The following CBLB variants were observed in gnomAD, a reference collection of about 807,000 sequenced individuals.
The protein encoded by CBLB is E3 ubiquitin-protein ligase CBL-B.
A neutral mutation model predicts 104.9 loss-of-function variants in CBLB; 31 were observed. That is an observed-to-expected ratio of 0.30 (90% CI 0.22 to 0.40). The LOEUF is 0.40. CBLB is among the 10% of genes least tolerant of loss of function. The probability of loss-of-function intolerance (pLI) is 1.00; values close to 1 mark genes in which losing one functional copy is unlikely to be tolerated. For synonymous variants in CBLB, 440 were observed against 422.6 expected (o/e 1.04, Z -0.51); for missense variants, 1,062 against 1,214.6 (o/e 0.87, Z 1.87).
intron 10 of CBLB, among the ~76,000 whole-genome samples, chr3:105,709,066 A>G (rs1275229594): frequency 6.6e-6 from 1 of 151,986 alleles, no homozygotes; most frequent in Admixed American, 6.6e-5. Flanking sequence ...CTCTTAATGC[A>G]ATAGTAACAA....
At chr3:105,812,425 A>G (rs894554826) in intron 3 of CBLB, among the ~76,000 whole-genome samples, 1 of 152,206 alleles carries the variant, frequency 6.6e-6, no homozygotes, top group Non-Finnish European at 1.5e-5. Flanking sequence ...CACAAAAGTA[A>G]CACCACAACT....
intron 5 of CBLB, among the ~76,000 whole-genome samples, chr3:105,750,233 G>A (rs773077543): frequency 1.3e-5 from 2 of 151,906 alleles, no homozygotes; most frequent in Non-Finnish European, 2.9e-5. Flanking sequence ...TATATGTACT[G>A]TTGACAGGAG....
chr3:105,683,127 T>A (rs1025090765), intron 14 of CBLB, among the ~76,000 whole-genome samples: 2 of 152,244 alleles, frequency 1.3e-5, no homozygotes, highest in African/African-American at 4.8e-5. Flanking sequence ...CAGATATAGT[T>A]CATTTAAAAA....
rs760589517 is a variant in CBLB, at chr3:105,693,540, G to A, written c.2008C>T (p.Arg670Trp). ...GTAACTGGAGGAGGAGGAGAAAGCC[G>A]GGGAGGAACATCATATTCTTCACTT... ...LGSEEYDVPP[R>W]LSPPPPVTTL... Residue 670 changes from arginine (R) to tryptophan (W), a missense_variant, in exon 13 of 19, where the codon CGG becomes TGG. By Grantham distance (101) the Arg-to-Trp change is moderately radical. Coordinates refer to ENST00000394030, the MANE Select transcript of CBLB (RefSeq NM_170662.5). 145 of 1,612,556 alleles carry A rather than the reference G, an allele frequency of 9.0e-5. No individual in the cohort carries two copies. The highest frequency in any genetic ancestry group is 1.0e-4 in the Non-Finnish European group (120 of 1,178,834).
At chr3:105,760,729 G>A (rs1214572350) in intron 4 of CBLB, among the ~76,000 whole-genome samples, 3 of 151,436 alleles carry the variant, frequency 2.0e-5, no homozygotes, top group African/African-American at 7.3e-5. Flanking sequence ...GATAAACTGA[G>A]GCAAAAAATA....
intron 2 of CBLB, among the ~76,000 whole-genome samples, chr3:105,861,119 C>T (rs961747749): frequency 1.4e-5 from 2 of 147,022 alleles, no homozygotes; most frequent in African/African-American, 5.1e-5. Context: ...AATTAGCAAC[C>T]TACAAATACT....
chr3:105,745,192 G>A (rs2075986895), intron 6 of CBLB, among the ~76,000 whole-genome samples: 1 of 152,092 alleles, frequency 6.6e-6, no homozygotes, highest in South Asian at 2.1e-4. Context: ...TAGCACAAAT[G>A]CCTACTATGG....
chr3:105,670,998 T>A, intron 17 of CBLB: 1 of 175,684 alleles, frequency 5.7e-6, no homozygotes, highest in Non-Finnish European at 1.2e-5. Flanking sequence ...CATTTGAATA[T>A]ACAGTAAAAT....
chr3:105,748,901 C>A (rs564026101), intron 5 of CBLB, among the ~76,000 whole-genome samples: 10 of 152,164 alleles, frequency 6.6e-5, no homozygotes, highest in Non-Finnish European at 1.3e-4. Context: ...CTTCAGTTCC[C>A]TTTCTGCTAA....
rs1346276674 is a variant in CBLB at position 105,838,387 on chromosome 3, T to C, written c.419+15027A>G. ...ACATGAAAGGCCTTGATAAATGCTA[T>C]GGTCAGAAGGAAAAGACACATTTTA... is the stretch of plus-strand genomic sequence containing the variant. On this transcript the variant is annotated intron_variant, in intron 3 of 18. Transcript: ENST00000394030. Among the ~76,000 whole-genome samples the C allele has an allele frequency of 2.6e-5, 4 of 151,216 alleles. No homozygotes were observed. The South Asian group carries it at 8.4e-4, about 32-fold the overall frequency.
At chr3:105,801,200 A>AATAGC (rs1396736215) in intron 3 of CBLB, among the ~76,000 whole-genome samples, 1 of 152,286 alleles carries the variant, frequency 6.6e-6, no homozygotes, top group Admixed American at 6.5e-5. Context: ...CACTCAGGAA[A>AATAGC]ATAGCATAAA....
chr3:105,795,734 ATTTG>A (rs756492107), intron 3 of CBLB, among the ~76,000 whole-genome samples: 64 of 151,946 alleles, frequency 4.2e-4, no homozygotes, highest in Middle Eastern at 3.4e-3. Flanking sequence ...TAACACTGTG[ATTTG>A]TTTGTTTTTG....
At position 105,853,542 on chromosome 3, in the gene CBLB, T is replaced by C. The variant is rs1442486669; in HGVS notation, c.291A>G (p.Lys97=). ...LILSKYDDNQ[K]LAQLSENEYF... ...ACTCATTCTCACTGAGTTGGGCAAG[T>C]TTCTGGTTGTCATCATATTTACTCA... Residue 97 remains lysine, a synonymous_variant, in exon 3 of 19, where the codon AAA becomes AAG. Coordinates refer to ENST00000394030, the MANE Select transcript of CBLB (RefSeq NM_170662.5). 1 of 1,613,698 alleles carries C rather than the reference T, an allele frequency of 6.2e-7. No homozygotes were observed. Among genetic ancestry groups the C allele is most frequent in the South Asian group, 1.1e-5 (1 of 91,074 alleles).
chr3:105,790,422 C>G (rs2081500497), intron 3 of CBLB, among the ~76,000 whole-genome samples: 1 of 152,192 alleles, frequency 6.6e-6, no homozygotes, highest in Admixed American at 6.5e-5. Flanking sequence ...TCCCTGTTTT[C>G]AGATTGATTT....
chr3:105,802,450 T>G (rs1560308127), intron 3 of CBLB, among the ~76,000 whole-genome samples: 2 of 152,240 alleles, frequency 1.3e-5, no homozygotes, highest in African/African-American at 4.8e-5. Flanking sequence ...TCTCCAGAGT[T>G]GCCAACTAAA....
At chr3:105,814,480 CA>C (rs1302378979) in intron 3 of CBLB, among the ~76,000 whole-genome samples, 1 of 152,104 alleles carries the variant, frequency 6.6e-6, no homozygotes. Context: ...AATTAACTTC[CA>C]CCACTGAATA....
intron 7 of CBLB, among the ~76,000 whole-genome samples, chr3:105,737,499 T>G (rs955978960): frequency 6.6e-6 from 1 of 152,114 alleles, no homozygotes; most frequent in African/African-American, 2.4e-5. Context: ...AGCAACCATT[T>G]TCAATGAAAT....
chr3:105,804,067 A>G (rs564191918), intron 3 of CBLB, among the ~76,000 whole-genome samples: 4 of 152,198 alleles, frequency 2.6e-5, no homozygotes, highest in Non-Finnish European at 4.4e-5. Context: ...TTTTTAATAT[A>G]CACATAAAAA....
chr3:105,773,995 G>A (rs2079169451), intron 4 of CBLB, among the ~76,000 whole-genome samples: 1 of 152,210 alleles, frequency 6.6e-6, no homozygotes, highest in Non-Finnish European at 1.5e-5. Flanking sequence ...CAGTGCTATA[G>A]TTTGAATGCC....
Sources: gnomAD v4.1 joint callset for allele counts (sites outside exome capture counted in the v4.1 genomes callset) on GRCh38, gnomAD v4.1.1 for gene constraint, MANE v1.5 for transcripts, NCBI Gene and HGNC (gene_info 2026-07-23, HGNC 2026-07-21) for gene names.